The following KDM6A variants were observed in gnomAD, a reference collection of about 807,000 sequenced individuals.
KDM6A encodes lysine-specific demethylase 6A.
In KDM6A, 11 loss-of-function variants were observed where a neutral mutation model predicts 117.6. The ratio of observed to expected loss-of-function variants is 0.09; its 90% confidence interval spans 0.06 to 0.15. The LOEUF is 0.15. KDM6A is among the 10% of genes least tolerant of loss of function. KDM6A has a pLI of 1.00. For missense variants in KDM6A, 799 were observed against 1,077.3 expected, an observed-to-expected ratio of 0.74 and a Z score of 3.62; for synonymous variants, 384 against 396.1, an observed-to-expected ratio of 0.97 and a Z score of 0.36.
chrX:45,060,621 C>T lies in KDM6A; in HGVS notation c.1342C>T (p.His448Tyr). The T allele has an allele frequency of 9.4e-7, 1 of 1,064,156 alleles. No homozygotes were observed. Among genetic ancestry groups the T allele is most frequent in the Non-Finnish European group, 1.2e-6 (1 of 807,611 alleles). 87.7% of individuals were successfully genotyped at this position (1,064,156 alleles called of 1,213,427 possible). A position where few individuals can be genotyped will look rare whatever the true frequency, so the allele number is the denominator to read the frequency against. ...CTGTGATTCTTAGGCATGTAAACCT[C>T]ATCATCCAAATACTGAACCTGTATT... Reference protein sequence around the residue: ...MNTAQQACKPHHPNTEPVLGL... With the variant: ...MNTAQQACKPYHPNTEPVLGL... The change falls in exon 14 of 30, where the codon CAT (histidine) becomes TAT (tyrosine). Residue 448 changes from histidine to tyrosine, a missense_variant. Around this residue, in one of 8 missense-constraint regions of KDM6A, gnomAD observed 301 missense variants for 318.3 expected, o/e 0.95. Coordinates refer to ENST00000611820, the MANE Select transcript of KDM6A (RefSeq NM_001291415.2).
At position 45,060,701 on chromosome X, in the gene KDM6A, T is replaced by C. The variant is rs1015708788; in HGVS notation, c.1422T>C (p.Pro474=). 2.2e-5 allele frequency: 24 copies of C among 1,070,844 alleles called. No homozygotes were observed. Among genetic ancestry groups the C allele is most frequent in the Non-Finnish European group, 3.0e-5 (24 of 810,918 alleles). 88.2% of individuals were successfully genotyped at this position (1,070,844 alleles called of 1,213,427 possible). A position where few individuals can be genotyped will look rare whatever the true frequency, so the allele number is the denominator to read the frequency against. Residue 474 remains proline, a synonymous_variant, in exon 14 of 30, where the codon CCT becomes CCC. Coordinates refer to ENST00000611820, the MANE Select transcript of KDM6A (RefSeq NM_001291415.2). The part of the protein sequence containing the change: ...SQQSLPLHMI[P]SSQVDDLSSP... The stretch of plus-strand genomic sequence containing the variant: ...AATCCTTGCCACTACACATGATTCC[T>C]TCTAGCCAAGTAGATGACCTGTCCA...
intron 11 of KDM6A, 29 bp from the exon 12 acceptor site, chrX:45,059,218 A>C: frequency 8.3e-7 from 1 of 1,199,335 alleles, no homozygotes; most frequent in Non-Finnish European, 1.1e-6. Context: ...TTCTGAGTTG[A>C]CTTATTTTTT....
intron 6 of KDM6A, among the ~76,000 whole-genome samples, chrX:45,028,573 C>T (rs2042471496): frequency 8.9e-6 from 1 of 112,228 alleles, no homozygotes; most frequent in African/African-American, 3.2e-5. Flanking sequence ...TGTAACATCA[C>T]TGTTCCTTTT....
At chrX:45,093,378 AAAAAAACAAACAAAC>A (rs2045970480) in intron 27 of KDM6A, among the ~76,000 whole-genome samples, 1 of 107,717 alleles carries the variant, frequency 9.3e-6, no homozygotes, top group Non-Finnish European at 1.9e-5. Flanking sequence ...CTCTCTCAAA[AAAAAAACAAACAAAC>A]AAACAAACAA....
intron 3 of KDM6A, among the ~76,000 whole-genome samples, chrX:44,961,907 A>G (rs1279056399): frequency 8.9e-6 from 1 of 111,922 alleles, no homozygotes; most frequent in Admixed American, 9.5e-5. Context: ...AGTGAGTTAA[A>G]TAACTGAAAG....
chrX:44,882,300 T>C (rs1402794984), intron 2 of KDM6A, among the ~76,000 whole-genome samples: 3 of 112,059 alleles, frequency 2.7e-5, no homozygotes, highest in Non-Finnish European at 5.6e-5. Flanking sequence ...GTTTCATCTA[T>C]ATATATTTTG....
intron 2 of KDM6A, among the ~76,000 whole-genome samples, chrX:44,891,808 C>T (rs2033389274): frequency 9.0e-6 from 1 of 111,220 alleles, no homozygotes; most frequent in Non-Finnish European, 1.9e-5. Context: ...CAACTTAGAA[C>T]TTTTTTAAGG....
In KDM6A at chrX:45,048,154, C is replaced by T. The variant is rs773348739; in HGVS notation, c.655-3555C>T. 6.1e-3 allele frequency among the ~76,000 whole-genome samples: 474 copies of T among 78,246 alleles called. 2 individuals are homozygous for T. The highest frequency in any genetic ancestry group is 0.027 in the African/African-American group (446 of 16,254). 67.9% of individuals were successfully genotyped at this position (78,246 alleles called of 115,157 possible). On this transcript the variant is annotated intron_variant, in intron 8 of 29. Coordinates refer to ENST00000611820, the MANE Select transcript of KDM6A (RefSeq NM_001291415.2). ...CAGCCTGGGCGACACAGTGAAAGTG[C>T]GTCTCAAAAAAAAAAAAAAAAAAAA... is the stretch of plus-strand genomic sequence containing the variant.
intron 4 of KDM6A, among the ~76,000 whole-genome samples, chrX:45,004,068 A>G (rs1330563075): frequency 9.0e-6 from 1 of 110,733 alleles, no homozygotes; most frequent in Non-Finnish European, 1.9e-5. Context: ...TCTTCGTTGA[A>G]AGTCATGAGC....
intron 4 of KDM6A, among the ~76,000 whole-genome samples, chrX:44,999,152 A>C (rs935150472): frequency 8.9e-6 from 1 of 111,953 alleles, no homozygotes; most frequent in African/African-American, 3.3e-5. Context: ...AAAAATACAA[A>C]AATTAGCCGG....
chrX:45,040,695 C>T (rs1232204449), intron 8 of KDM6A, among the ~76,000 whole-genome samples: 2 of 72,916 alleles, frequency 2.7e-5, no homozygotes, highest in Non-Finnish European at 5.3e-5. Context: ...ACCTCCCTCC[C>T]GGACGGGGCG....
chrX:44,884,057 G>C (rs1413518823), intron 2 of KDM6A, among the ~76,000 whole-genome samples: 2 of 90,348 alleles, frequency 2.2e-5, no homozygotes, highest in African/African-American at 9.0e-5. Flanking sequence ...AGCCGAGATT[G>C]CACCACTGCA....
chrX:45,001,767 G>A (rs938516946), intron 4 of KDM6A, among the ~76,000 whole-genome samples: 1 of 111,217 alleles, frequency 9.0e-6, no homozygotes, highest in Non-Finnish European at 1.9e-5. Context: ...TATGGCCCAC[G>A]ACTCTTGAGG....
chrX:45,082,649 T>A lies in KDM6A; in HGVS notation c.3365+9T>A, dbSNP rs1331726397. 1.7e-6 allele frequency: 2 copies of A among 1,175,820 alleles called. No individual in the cohort carries two copies. The highest frequency in any genetic ancestry group is 2.3e-6 in the Non-Finnish European group (2 of 863,254). On this transcript the variant is annotated intron_variant, in intron 22 of 29. Coordinates refer to ENST00000611820, the MANE Select transcript of KDM6A (RefSeq NM_001291415.2). ...TCTACATCGTCAGATAAGTAAGTCA[T>A]TTTTAATGTCCACTTAGTATTTCTT...
chrX:45,067,644 C>CTTTTTTTTTTTTTTT (rs1267780901), intron 17 of KDM6A, among the ~76,000 whole-genome samples: 2 of 90,088 alleles, frequency 2.2e-5, no homozygotes, highest in Non-Finnish European at 4.1e-5. Flanking sequence ...TGGTGTGTAT[C>CTTTTTTTTTTTTTTT]TTTTTTTTGT....
At chrX:44,938,488 A>C (rs1309929945) in intron 2 of KDM6A, among the ~76,000 whole-genome samples, 1 of 111,855 alleles carries the variant, frequency 8.9e-6, no homozygotes, top group Non-Finnish European at 1.9e-5. Flanking sequence ...GGAAAGATTG[A>C]AGCTAGCAGA....
At chrX:45,051,867 GT>G in intron 9 of KDM6A, 65 bp downstream of exon 9, 1 of 629,978 alleles carries the variant, frequency 1.6e-6, no homozygotes. Context: ...CATGTCGAGT[GT>G]GGCAAATATG....
At chrX:44,997,548 C>T (rs1296347505) in intron 4 of KDM6A, among the ~76,000 whole-genome samples, 1 of 111,489 alleles carries the variant, frequency 9.0e-6, no homozygotes, top group Non-Finnish European at 1.9e-5. Context: ...TTTTATAGGC[C>T]CAGGTTGGGG....
In KDM6A at chrX:45,067,644, C is replaced by CTTTT. The variant is rs1267780901; in HGVS notation, c.2080-1930_2080-1927dup. On this transcript the variant is annotated intron_variant, in intron 17 of 29. Coordinates refer to ENST00000611820, the MANE Select transcript of KDM6A (RefSeq NM_001291415.2). ...CCTTTACACACTCACTGGTGTGTAT[C>CTTTT]TTTTTTTTGTTTTTTTTTTTTTTTT... Among the ~76,000 whole-genome samples, 578 of 89,947 alleles carry CTTTT rather than the reference C, an allele frequency of 6.4e-3. 11 individuals carry two copies. Among genetic ancestry groups the CTTTT allele is most frequent in the African/African-American group, 8.9e-3 (164 of 18,510 alleles). The allele number at this position is 89,947 out of a possible 115,157, so 78.1% of individuals were successfully genotyped here.
Sources: allele counts gnomAD v4.1 joint callset (sites outside exome capture counted in the v4.1 genomes callset), GRCh38; gene constraint gnomAD v4.1.1; regional missense constraint gnomAD v4.1.1; transcripts MANE v1.5; gene names NCBI Gene and HGNC (gene_info 2026-07-23, HGNC 2026-07-21).